The following PTPRG variants were observed in gnomAD, a reference collection of about 807,000 sequenced individuals.
PTPRG encodes receptor-type tyrosine-protein phosphatase gamma.
Under a neutral mutation model 165.3 loss-of-function variants are expected in PTPRG, and 102 were observed. The observed-to-expected ratio is 0.62, with a 90% CI of 0.53 to 0.73. PTPRG has a LOEUF of 0.73. Ranked by LOEUF, PTPRG falls within the 30% of genes least tolerant of loss-of-function variation. The pLI is 0.00. For synonymous variants in PTPRG, 675 were observed against 669.5 expected, an observed-to-expected ratio of 1.01 and a Z score of -0.13; for missense variants, 1,866 against 1,861.4, an observed-to-expected ratio of 1.00 and a Z score of -0.05.
At chr3:62,126,198 G>A (rs930867903) in intron 5 of PTPRG, among the ~76,000 whole-genome samples, 2 of 152,184 alleles carry the variant, frequency 1.3e-5, no homozygotes, top group Non-Finnish European at 2.9e-5. Context: ...ACTCCTCCAA[G>A]CCAAGTCTGA....
chr3:61,731,340 T>C (rs1004507124), intron 1 of PTPRG, among the ~76,000 whole-genome samples: 1 of 151,008 alleles, frequency 6.6e-6, no homozygotes, highest in Non-Finnish European at 1.5e-5. Flanking sequence ...AAGCTCACTT[T>C]CCTTTTTCCT....
intron 5 of PTPRG, among the ~76,000 whole-genome samples, chr3:62,099,786 G>A (rs2106822256): frequency 7.4e-6 from 1 of 135,000 alleles, no homozygotes; most frequent in Non-Finnish European, 1.6e-5. Context: ...GTACTTAAGT[G>A]TTAAATCTTT....
chr3:62,238,537 C>G (rs1175014792), intron 14 of PTPRG, among the ~76,000 whole-genome samples: 1 of 152,144 alleles, frequency 6.6e-6, no homozygotes, highest in Non-Finnish European at 1.5e-5. Context: ...CAAGGGTGGA[C>G]TCTCAGGAGC....
intron 2 of PTPRG, among the ~76,000 whole-genome samples, chr3:61,752,786 A>AAAAAAAAAAAAAAAAAGAAAAG (rs2033484786): frequency 2.6e-5 from 1 of 38,756 alleles, no homozygotes; most frequent in Non-Finnish European, 5.4e-5. Flanking sequence ...AGACTGTCTC[A>AAAAAAAAAAAAAAAAAGAAAAG]AAAAAAAAAA....
At chr3:61,719,813 C>T (rs1339593731) in intron 1 of PTPRG, among the ~76,000 whole-genome samples, 1 of 152,164 alleles carries the variant, frequency 6.6e-6, no homozygotes, top group Non-Finnish European at 1.5e-5. Flanking sequence ...TGCTGTTCCT[C>T]ACACTTCCCA....
intron 2 of PTPRG, among the ~76,000 whole-genome samples, chr3:61,825,452 A>G (rs982335475): frequency 2.0e-5 from 3 of 152,250 alleles, no homozygotes; most frequent in Admixed American, 6.5e-5. Flanking sequence ...AAGTGGAAAC[A>G]TAAGAGTTTC....
At chr3:62,225,602 TGGCTTTGTATATCTGAAAA>T (rs1371716844) in intron 13 of PTPRG, among the ~76,000 whole-genome samples, 3 of 151,622 alleles carry the variant, frequency 2.0e-5, no homozygotes, top group Non-Finnish European at 4.4e-5. Flanking sequence ...ACCCCTGAAA[TGGCTTTGTATATCTGAAAA>T]GGCTTTGTAT....
intron 28 of PTPRG, among the ~76,000 whole-genome samples, chr3:62,290,436 A>T (rs1038302489): frequency 1.3e-4 from 20 of 152,188 alleles, no homozygotes; most frequent in African/African-American, 4.8e-4. Flanking sequence ...TGTACCAGTA[A>T]AAAATGAAAA....
At chr3:61,919,806 A>G (rs1054870992) in intron 2 of PTPRG, among the ~76,000 whole-genome samples, 1 of 152,130 alleles carries the variant, frequency 6.6e-6, no homozygotes, top group Non-Finnish European at 1.5e-5. Context: ...TTGCTTAAAA[A>G]CTTGTTACAT....
intron 2 of PTPRG, among the ~76,000 whole-genome samples, chr3:61,761,935 A>G (rs1008626181): frequency 1.3e-5 from 2 of 152,026 alleles, no homozygotes; most frequent in Non-Finnish European, 2.9e-5. Flanking sequence ...TGTTAGGCTG[A>G]TGTTCTTCTT....
At chr3:61,838,098 C>T (rs1232432966) in intron 2 of PTPRG, among the ~76,000 whole-genome samples, 3 of 152,156 alleles carry the variant, frequency 2.0e-5, no homozygotes, top group African/African-American at 4.8e-5. Context: ...TTCACAACAC[C>T]GGGATGGTTA....
intron 2 of PTPRG, among the ~76,000 whole-genome samples, chr3:61,967,684 A>G (rs752295710): frequency 6.0e-4 from 92 of 152,230 alleles, no homozygotes; most frequent in Non-Finnish European, 1.1e-3. Context: ...TGTAACTGCC[A>G]CTGAACACTG....
chr3:61,682,880 A>G (rs1703500048), intron 1 of PTPRG, among the ~76,000 whole-genome samples: 1 of 152,248 alleles, frequency 6.6e-6, no homozygotes, highest in Non-Finnish European at 1.5e-5. Flanking sequence ...CAAATGCCCC[A>G]GGGTAATAAA....
intron 6 of PTPRG, among the ~76,000 whole-genome samples, chr3:62,148,390 GATTTTATTCTAA>G (rs1289177390): frequency 6.6e-6 from 1 of 152,134 alleles, no homozygotes; most frequent in Non-Finnish European, 1.5e-5. Context: ...AAGGAGTCTG[GATTTTATTCTAA>G]ATGAACCAAG....
At chr3:61,973,833 A>T (rs1168455979) in intron 2 of PTPRG, among the ~76,000 whole-genome samples, 2 of 150,160 alleles carry the variant, frequency 1.3e-5, no homozygotes, top group Non-Finnish European at 3.0e-5. Context: ...ACTCCATTTC[A>T]AAATAAATAA....
At chr3:62,189,423 G>GGT (rs1055030487) in intron 8 of PTPRG, among the ~76,000 whole-genome samples, 11 of 152,246 alleles carry the variant, frequency 7.2e-5, no homozygotes, top group African/African-American at 2.6e-4. Context: ...TCTGGTTCCT[G>GGT]GTGGGCTGCA....
intron 2 of PTPRG, among the ~76,000 whole-genome samples, chr3:61,953,799 T>C (rs2039959383): frequency 6.6e-6 from 1 of 152,176 alleles, no homozygotes; most frequent in African/African-American, 2.4e-5. Flanking sequence ...CTTCTGTGTA[T>C]GTAGAGTAAG....
At chr3:61,837,518 G>T (rs991918607) in intron 2 of PTPRG, among the ~76,000 whole-genome samples, 1 of 152,184 alleles carries the variant, frequency 6.6e-6, no homozygotes, top group African/African-American at 2.4e-5. Context: ...ACTATTAAAG[G>T]CTGAATACGG....
At chr3:61,904,754 G>T (rs2038597928) in intron 2 of PTPRG, among the ~76,000 whole-genome samples, 1 of 152,168 alleles carries the variant, frequency 6.6e-6, no homozygotes, top group South Asian at 2.1e-4. Context: ...GAAAGGCATT[G>T]CATATGAGTA....
Sources: allele counts gnomAD v4.1 joint callset (sites outside exome capture counted in the v4.1 genomes callset), GRCh38; gene constraint gnomAD v4.1.1; transcripts MANE v1.5; gene names NCBI Gene and HGNC (gene_info 2026-07-23, HGNC 2026-07-21).